Variants in ST7L observed in about 807,000 individuals in gnomAD.
ST7L encodes the protein suppression of tumorigenicity 7 like, also known as suppressor of tumorigenicity 7 protein-like.
A neutral mutation model predicts 72.5 loss-of-function variants in ST7L; 57 were observed. The ratio of observed to expected loss-of-function variants is 0.79; its 90% confidence interval spans 0.64 to 0.98. The LOEUF (loss-of-function observed/expected upper bound fraction) is 0.98. ST7L is among the 50% of genes least tolerant of loss of function. ST7L has a pLI of 0.00. For synonymous variants in ST7L, 221 were observed against 240.9 expected (o/e 0.92, Z 0.77); for missense variants, 576 against 672.2 (o/e 0.86, Z 1.58).
At chr1:112,543,471 C>T (rs1011228213) in intron 13 of ST7L, among the ~76,000 whole-genome samples, 3 of 152,158 alleles carry the variant, frequency 2.0e-5, no homozygotes, top group African/African-American at 7.2e-5. Flanking sequence ...TCGCTTGAAC[C>T]CGGGAGGCGG....
intron 2 of ST7L, 145 bp downstream of exon 2, chr1:112,616,668 G>A (rs1229741614): frequency 9.8e-6 from 5 of 508,850 alleles, no homozygotes; most frequent in Non-Finnish European, 1.8e-5. Context: ...GCTGGAACCT[G>A]GAAGGCGGAA....
intron 12 of ST7L, among the ~76,000 whole-genome samples, chr1:112,553,573 A>G (rs148679025): frequency 1.2e-3 from 190 of 152,340 alleles, no homozygotes; most frequent in African/African-American, 4.4e-3. Flanking sequence ...AGAATCAATA[A>G]ATCAATTTTC....
intron 3 of ST7L, among the ~76,000 whole-genome samples, chr1:112,609,257 C>CTTTGTAAATTTTCCTTTCCTAATTATGTA (rs1668704178): frequency 6.6e-6 from 1 of 152,118 alleles, no homozygotes; most frequent in Non-Finnish European, 1.5e-5. Flanking sequence ...GCTGGCCAGG[C>CTTTGTAAATTTTCCTTTCCTAATTATGTA]TCAGTGGCTC....
At chr1:112,592,601 T>C (rs1043356477) in intron 5 of ST7L, among the ~76,000 whole-genome samples, 6 of 152,150 alleles carry the variant, frequency 3.9e-5, no homozygotes, top group Non-Finnish European at 8.8e-5. Context: ...AATATTACAT[T>C]AAAATAATGC....
chr1:112,556,985 C>CAAAAAAAAAAAAAA (rs1196828305), intron 11 of ST7L, among the ~76,000 whole-genome samples: 4 of 82,112 alleles, frequency 4.9e-5, no homozygotes, highest in Admixed American at 1.5e-4. Context: ...AAAAAAAAAA[C>CAAAAAAAAAAAAAA]AAAAAAAAAA....
At chr1:112,607,185 G>C (rs1159974259) in intron 3 of ST7L, 1 of 152,072 alleles carries the variant, frequency 6.6e-6, no homozygotes, top group Non-Finnish European at 1.5e-5. Context: ...CTAGTAAGGA[G>C]AGAGTATGTA....
chr1:112,616,887 A>T lies in ST7L; in HGVS notation c.214T>A (p.Phe72Ile), dbSNP rs772347780. 1 of 1,602,292 alleles carries T rather than the reference A, an allele frequency of 6.2e-7. No individual in the cohort carries two copies. The highest frequency in any genetic ancestry group is 8.5e-7 in the Non-Finnish European group (1 of 1,175,984). ...LCENLAAVTVFLNSLTPKFYV... is the reference protein window; with the variant it reads ...LCENLAAVTVILNSLTPKFYV... ...AATTTGGGTGTCAATGAATTTAAAAATACAGTCACTGTCAAAAGAACAAGA... is the reference window on the plus strand; with the variant it reads ...AATTTGGGTGTCAATGAATTTAAAATTACAGTCACTGTCAAAAGAACAAGA... The change falls in exon 2 of 15, where the codon TTT (phenylalanine) becomes ATT (isoleucine). Residue 72 changes from phenylalanine (F) to isoleucine (I), a missense_variant. Phe to Ile is a conservative substitution (Grantham distance 21). Coordinates refer to ENST00000358039, the MANE Select transcript of ST7L (RefSeq NM_017744.5).
chr1:112,598,108 T>G, intron 4 of ST7L, 22 bp from the exon 5 acceptor site: 1 of 1,561,700 alleles, frequency 6.4e-7, no homozygotes, highest in Non-Finnish European at 8.8e-7. Context: ...CACAACAAAA[T>G]ATTTAAATTG....
chr1:112,546,541 A>G (rs1657110486), intron 13 of ST7L, among the ~76,000 whole-genome samples: 1 of 152,104 alleles, frequency 6.6e-6, no homozygotes, highest in Non-Finnish European at 1.5e-5. Flanking sequence ...GAAGGAGAAA[A>G]TGGGGCTGGG....
chr1:112,615,156 G>A (rs770856602), intron 2 of ST7L, among the ~76,000 whole-genome samples: 2 of 151,846 alleles, frequency 1.3e-5, no homozygotes, highest in African/African-American at 2.4e-5. Context: ...CGCCACACAC[G>A]CCTAATTTTT....
chr1:112,547,365 G>A (rs898033124), intron 13 of ST7L, among the ~76,000 whole-genome samples: 1 of 151,558 alleles, frequency 6.6e-6, no homozygotes, highest in Non-Finnish European at 1.5e-5. Context: ...GCTAACTTTT[G>A]TATTTTTAGT....
At chr1:112,529,837 G>A (rs1654086901) in intron 14 of ST7L, 1 of 151,520 alleles carries the variant, frequency 6.6e-6, no homozygotes, top group African/African-American at 2.4e-5. Context: ...GAGCTCAGTG[G>A]AACTGGGGTT....
rs373697137 is a variant in ST7L, at chr1:112,571,175, C to A, written c.1245+5811G>T. 2.2e-3 allele frequency: 842 copies of A among 389,792 alleles called. 6 individuals are homozygous for A. Among genetic ancestry groups the A allele is most frequent in the African/African-American group, 0.015 (689 of 47,424 alleles). 24.1% of individuals were successfully genotyped at this position (389,792 alleles called of 1,614,324 possible). On this transcript the variant is annotated intron_variant, in intron 11 of 14. Transcript: ENST00000358039. The stretch of plus-strand genomic sequence containing the variant: ...ACAGAGCGAGACTGTCTCAAAAAAA[C>A]CAAATTCTTCAAAAAAACCTTAATA...
At chr1:112,599,073 A>AAAAAAAAAAT (rs1190968815) in intron 4 of ST7L, among the ~76,000 whole-genome samples, 19 of 57,000 alleles carry the variant, frequency 3.3e-4, no homozygotes, top group African/African-American at 7.5e-4. Flanking sequence ...AAAAAAAAAA[A>AAAAAAAAAAT]ATATATATAT....
chr1:112,546,842 A>G (rs925722866), intron 13 of ST7L, among the ~76,000 whole-genome samples: 1 of 151,872 alleles, frequency 6.6e-6, no homozygotes, highest in Non-Finnish European at 1.5e-5. Flanking sequence ...CATTATATAC[A>G]TAACTTAAAA....
intron 11 of ST7L, among the ~76,000 whole-genome samples, chr1:112,568,869 T>A (rs987497698): frequency 6.5e-5 from 6 of 91,904 alleles, no homozygotes; most frequent in South Asian, 2.7e-4. Flanking sequence ...TAAATATATA[T>A]ATATATATAT....
chr1:112,600,918 T>C, intron 3 of ST7L, 70 bp from the exon 4 acceptor site: 1 of 1,377,790 alleles, frequency 7.3e-7, no homozygotes, highest in Non-Finnish European at 1.0e-6. Flanking sequence ...ATATCTATTG[T>C]CTACCCACTG....
At position 112,600,871 on chromosome 1, in the gene ST7L, G is replaced by A. The variant is rs768251890; in HGVS notation, c.452-23C>T. ...ATTCTGAAAAACAAGGGAGAAAAAG[G>A]GGGAAAAAGAGACACTTTAAAATCT... On this transcript the variant is annotated intron_variant, in intron 3 of 14. Coordinates refer to ENST00000358039, the MANE Select transcript of ST7L (RefSeq NM_017744.5). 6.3e-6 allele frequency: 10 copies of A among 1,596,774 alleles called. No homozygotes were observed. In the East Asian group the frequency reaches 1.3e-4, roughly 21 times the overall value.
chr1:112,547,561 CTTTTTTTTTTTTT>C (rs59755766), intron 13 of ST7L, among the ~76,000 whole-genome samples: 4 of 61,982 alleles, frequency 6.5e-5, no homozygotes, highest in Admixed American at 6.4e-4. Flanking sequence ...TCTTTGTCAT[CTTTTTTTTTTTTT>C]TTTTTTTTTT....
Sources: gnomAD v4.1 joint callset for allele counts (sites outside exome capture counted in the v4.1 genomes callset) on GRCh38, gnomAD v4.1.1 for gene constraint, MANE v1.5 for transcripts, NCBI Gene and HGNC (gene_info 2026-07-23, HGNC 2026-07-21) for gene names.